Variants in BCAR3 observed in about 807,000 individuals in gnomAD.
The protein encoded by BCAR3 is BCAR3 adaptor protein, NSP family member, also known as breast cancer anti-estrogen resistance protein 3.
BCAR3 carries 37 observed loss-of-function variants against 80.1 expected under a neutral mutation model. The ratio of observed to expected loss-of-function variants is 0.46; its 90% confidence interval spans 0.36 to 0.61. The LOEUF (loss-of-function observed/expected upper bound fraction) is 0.61. BCAR3 is among the 20% of genes least tolerant of loss of function. The probability of loss-of-function intolerance (pLI) is 0.00; values close to 1 mark genes in which losing one functional copy is unlikely to be tolerated. For missense variants in BCAR3, 978 were observed against 1,068.2 expected (o/e 0.92, Z 1.18); for synonymous variants, 389 against 418.9 (o/e 0.93, Z 0.87).
At chr1:93,618,939 GTT>G (rs386367697) in intron 3 of BCAR3, among the ~76,000 whole-genome samples, 1 of 119,490 alleles carries the variant, frequency 8.4e-6, no homozygotes. Context: ...TTTTTTTTTT[GTT>G]TTTTTTTTTT....
chr1:93,740,903 T>C (rs924539100), intron 2 of BCAR3, among the ~76,000 whole-genome samples: 1 of 152,254 alleles, frequency 6.6e-6, no homozygotes, highest in African/African-American at 2.4e-5. Context: ...TGTTTCCAGC[T>C]GACAGCCTTG....
At chr1:93,568,574 T>G (rs1418903877) in intron 9 of BCAR3, among the ~76,000 whole-genome samples, 1 of 152,198 alleles carries the variant, frequency 6.6e-6, no homozygotes. Flanking sequence ...CCTAGAAAAT[T>G]CCAGTGTACC....
At chr1:93,712,865 C>G (rs1278501846) in intron 2 of BCAR3, among the ~76,000 whole-genome samples, 1 of 152,220 alleles carries the variant, frequency 6.6e-6, no homozygotes, top group African/African-American at 2.4e-5. Context: ...TCTTCACACC[C>G]TTCACTTGTT....
intron 2 of BCAR3, among the ~76,000 whole-genome samples, chr1:93,717,808 G>A (rs1277979386): frequency 1.3e-5 from 2 of 152,128 alleles, no homozygotes; most frequent in Non-Finnish European, 2.9e-5. Context: ...TCCTTTGCAG[G>A]GTTGTTATTG....
At chr1:93,694,118 G>A (rs565564863) in intron 3 of BCAR3, among the ~76,000 whole-genome samples, 187 of 152,308 alleles carry the variant, frequency 1.2e-3, no homozygotes, top group Non-Finnish European at 1.6e-3. Context: ...TAAAGCCCAC[G>A]TCATTCCCTC....
chr1:93,841,285 AG>A (rs1654952045), intron 2 of BCAR3, among the ~76,000 whole-genome samples: 1 of 152,204 alleles, frequency 6.6e-6, no homozygotes, highest in African/African-American at 2.4e-5. Context: ...CAAGATTGCA[AG>A]GTCCATGGCA....
At chr1:93,845,837 C>T (rs1403877276) in intron 1 of BCAR3, 1 of 152,120 alleles carries the variant, frequency 6.6e-6, no homozygotes, top group Non-Finnish European at 1.5e-5. Flanking sequence ...CCGTGTGCTT[C>T]GTTCCTGTGA....
Position 93,568,297 on chromosome 1 carries a change from AAAT to A in BCAR3, c.1975-449_1975-447del, listed in dbSNP as rs1673049277. On this transcript the variant is annotated intron_variant, in intron 9 of 11. Transcript: ENST00000260502. Reference sequence around the variant, plus strand: ...TGTCTGAAAGCAGGGTAGAAAGAAAAAATAATCCCCCATCCGCCCCATCTGCAT... The same window carrying A: ...TGTCTGAAAGCAGGGTAGAAAGAAAAAATCCCCCATCCGCCCCATCTGCAT... Among the ~76,000 whole-genome samples, 4 of 152,266 alleles carry A rather than the reference AAAT, an allele frequency of 2.6e-5. No individual in the cohort carries two copies. The South Asian group carries it at 8.3e-4, about 32-fold the overall frequency.
At position 93,808,053 on chromosome 1, in the gene BCAR3, AAAAAG is replaced by A. The variant is rs1653715546; in HGVS notation, c.-63+37509_-63+37513del. Among the ~76,000 whole-genome samples the A allele has an allele frequency of 1.3e-4, 20 of 151,440 alleles. 1 individual carries two copies. The highest frequency in any genetic ancestry group is 1.3e-3 in the Admixed American group (20 of 15,218). On this transcript the variant is annotated intron_variant, in intron 2 of 13. Coordinates refer to the BCAR3 transcript ENST00000370244. ...ACTCTTTTTTTTTTTAAAAAAAAAA[AAAAAG>A]AAGAAAAATGAAAAGAAAAAATTGC...
intron 3 of BCAR3, among the ~76,000 whole-genome samples, chr1:93,623,300 G>C (rs183085217): frequency 1.3e-3 from 194 of 152,236 alleles, no homozygotes; most frequent in African/African-American, 4.4e-3. Flanking sequence ...AAATGTAAGG[G>C]GGGGAATGGT....
chr1:93,584,676 A>C (rs987280328), intron 5 of BCAR3, among the ~76,000 whole-genome samples: 7 of 152,202 alleles, frequency 4.6e-5, no homozygotes, highest in Non-Finnish European at 1.0e-4. Context: ...GGGGACCCCC[A>C]CACAGCCTCC....
chr1:93,800,884 C>T (rs1254014840), intron 2 of BCAR3, among the ~76,000 whole-genome samples: 1 of 152,166 alleles, frequency 6.6e-6, no homozygotes, highest in East Asian at 1.9e-4. Flanking sequence ...TGTATGTAGT[C>T]ACTGGTTGAG....
chr1:93,788,196 T>C (rs1008025118), intron 2 of BCAR3, among the ~76,000 whole-genome samples: 1 of 152,166 alleles, frequency 6.6e-6, no homozygotes, highest in Non-Finnish European at 1.5e-5. Flanking sequence ...TTTATGTGAG[T>C]CCTTATGTAT....
chr1:93,699,197 C>G (rs865982734), intron 3 of BCAR3, among the ~76,000 whole-genome samples: 11 of 152,202 alleles, frequency 7.2e-5, no homozygotes, highest in African/African-American at 2.7e-4. Flanking sequence ...CTGTAGAGAT[C>G]CAATTTGAAT....
At chr1:93,621,017 C>G (rs1268017791) in intron 3 of BCAR3, among the ~76,000 whole-genome samples, 1 of 152,220 alleles carries the variant, frequency 6.6e-6, no homozygotes, top group Non-Finnish European at 1.5e-5. Context: ...GTGGATGAAC[C>G]TGCCTGCAAG....
intron 8 of BCAR3, among the ~76,000 whole-genome samples, chr1:93,572,073 T>C (rs1021329008): frequency 6.6e-6 from 1 of 152,178 alleles, no homozygotes; most frequent in Non-Finnish European, 1.5e-5. Flanking sequence ...GAAAGCAAGA[T>C]GTCCCCGGAC....
intron 2 of BCAR3, among the ~76,000 whole-genome samples, chr1:93,821,867 A>G (rs1440574240): frequency 6.6e-6 from 1 of 152,216 alleles, no homozygotes; most frequent in Non-Finnish European, 1.5e-5. Flanking sequence ...AGAGAGTTAA[A>G]TATCTTGCCT....
chr1:93,809,372 T>G (rs1653751678), intron 2 of BCAR3, among the ~76,000 whole-genome samples: 1 of 151,846 alleles, frequency 6.6e-6, no homozygotes, highest in African/African-American at 2.4e-5. Flanking sequence ...TGCTTAAAAT[T>G]TTCTTTGGGG....
At chr1:93,628,531 AT>A (rs1469138477) in intron 3 of BCAR3, among the ~76,000 whole-genome samples, 1 of 152,128 alleles carries the variant, frequency 6.6e-6, no homozygotes, top group African/African-American at 2.4e-5. Context: ...TCGTTCCTCC[AT>A]GGAAGAGGCG....
Sources: allele counts gnomAD v4.1 joint callset (sites outside exome capture counted in the v4.1 genomes callset), GRCh38; gene constraint gnomAD v4.1.1; transcripts MANE v1.5; gene names NCBI Gene and HGNC (gene_info 2026-07-23, HGNC 2026-07-21).